Variants in SMAP2 observed in about 807,000 individuals in gnomAD.
SMAP2 encodes the protein small ArfGAP2, also known as stromal membrane-associated protein 2.
A neutral mutation model predicts 56.4 loss-of-function variants in SMAP2; 25 were observed. The observed-to-expected ratio is 0.44, with a 90% confidence interval of 0.32 to 0.62. SMAP2 has a LOEUF of 0.62. SMAP2 is among the 20% of genes least tolerant of loss of function. SMAP2 has a pLI of 0.04. For synonymous variants in SMAP2, 157 were observed against 181.7 expected, an observed-to-expected ratio of 0.86 and a Z score of 1.09; for missense variants, 388 against 545.6, an observed-to-expected ratio of 0.71 and a Z score of 2.88.
intron 1 of SMAP2, among the ~76,000 whole-genome samples, chr1:40,387,147 C>G (rs1408621023): frequency 1.3e-5 from 2 of 152,178 alleles, no homozygotes; most frequent in African/African-American, 4.8e-5. Flanking sequence ...ACCACCATGC[C>G]CGGCCTTATT....
rs368572879 is a variant in SMAP2 at position 40,409,853 on chromosome 1, C to T, written c.402+18C>T. On this transcript the variant is annotated intron_variant, in intron 4 of 9. Transcript: ENST00000372718. ...CCTTTAGGGTTGGTTATACATCTTT[C>T]AAGTTTTGTCCACAATAAGTAATGT... 2.6e-6 allele frequency: 4 copies of T among 1,521,832 alleles called. No individual in the cohort carries two copies. The highest frequency in any genetic ancestry group is 2.3e-5 in the East Asian group (1 of 44,430). 94.3% of individuals were successfully genotyped at this position (1,521,832 alleles called of 1,614,324 possible). A position where few individuals can be genotyped will look rare whatever the true frequency, so the allele number is the denominator to read the frequency against.
chr1:40,357,008 G>A (rs1362393313), intron 1 of SMAP2, among the ~76,000 whole-genome samples: 2 of 149,848 alleles, frequency 1.3e-5, no homozygotes, highest in Non-Finnish European at 2.9e-5. Flanking sequence ...TTTTAAATCA[G>A]ATTATTAGAT....
rs1204676672 is a variant in SMAP2, at chr1:40,409,834, G to A, written c.401G>A (p.Arg134Lys). 1.2e-6 allele frequency: 2 copies of A among 1,602,840 alleles called. No homozygotes were observed. The highest frequency in any genetic ancestry group is 3.3e-5 in the Admixed American group (2 of 59,986). Residue 134 changes from arginine (R) to lysine (K), a missense_variant and splice_region_variant, in exon 4 of 10, where the codon AGG (arginine) becomes AAG (lysine). Physicochemically the swap from Arg to Lys is conservative, Grantham distance 26 (BLOSUM62 2). Coordinates refer to ENST00000372718, the MANE Select transcript of SMAP2 (RefSeq NM_022733.3). ...CGAAGTCTGGACATCAATGCCTTTA[G>A]GGTTGGTTATACATCTTTCAAGTTT... is the stretch of plus-strand genomic sequence containing the variant. The part of the protein sequence containing the change: ...MDRSLDINAF[R>K]KEKDDKWKRG...
chr1:40,416,790 G>A lies in SMAP2; in HGVS notation c.858G>A (p.Met286Ile). The change falls in exon 9 of 10, where the codon ATG (methionine) becomes ATA (isoleucine). Residue 286 changes from methionine (M) to isoleucine (I), a missense_variant. Transcript: ENST00000372718. The part of the protein sequence containing the change: ...TPQMPTQAMF[M>I]APAQMAYPTA... The stretch of plus-strand genomic sequence containing the variant: ...GTGTTTTCTTGGCAGCAATGTTCAT[G>A]GCTCCCGCTCAGATGGCATATCCCA... 6.3e-7 allele frequency: 1 copy of A among 1,597,012 alleles called. No homozygotes were observed. The highest frequency in any genetic ancestry group is 8.6e-7 in the Non-Finnish European group (1 of 1,166,014).
intron 1 of SMAP2, among the ~76,000 whole-genome samples, chr1:40,347,240 G>GTGTGTTTT (rs58284805): frequency 3.4e-5 from 3 of 88,384 alleles, no homozygotes; most frequent in African/African-American, 1.2e-4. Context: ...GTGTGTGTGT[G>GTGTGTTTT]TTTTGTTTTT....
At chr1:40,382,072 T>C (rs1181796829) in intron 1 of SMAP2, among the ~76,000 whole-genome samples, 1 of 152,204 alleles carries the variant, frequency 6.6e-6, no homozygotes, top group East Asian at 1.9e-4. Flanking sequence ...TCTCTCAGTA[T>C]ATATACTTTT....
chr1:40,380,458 T>A (rs1001738528), intron 1 of SMAP2, among the ~76,000 whole-genome samples: 2 of 152,228 alleles, frequency 1.3e-5, no homozygotes, highest in Admixed American at 1.3e-4. Context: ...AGCCAAGTCA[T>A]TGCTTGTTAA....
At chr1:40,370,846 T>G (rs1340158000), upstream of SMAP2, among the ~76,000 whole-genome samples, 3 of 104,702 alleles carry the variant, frequency 2.9e-5, no homozygotes, top group African/African-American at 1.6e-4. Flanking sequence ...CCCTAAAACT[T>G]AAAGTATAAT....
intron 1 of SMAP2, chr1:40,396,938 T>A: frequency 1.3e-6 from 1 of 783,708 alleles, no homozygotes; most frequent in South Asian, 5.8e-5. Flanking sequence ...CTGCTTTTTT[T>A]ACTTTGACTT....
chr1:40,422,945 A>G lies in SMAP2; in HGVS notation c.*844A>G, dbSNP rs1460336373. 2 of 152,538 alleles carry G rather than the reference A, an allele frequency of 1.3e-5. No individual in the cohort carries two copies. The highest frequency in any genetic ancestry group is 4.8e-5 in the African/African-American group (2 of 41,260). The allele number at this position is 152,538 out of a possible 1,614,324, so 9.4% of individuals were successfully genotyped here. On this transcript the variant is annotated 3_prime_UTR_variant, in exon 10 of 10. Coordinates refer to ENST00000372718, the MANE Select transcript of SMAP2 (RefSeq NM_022733.3). ...GTGTTCCGCCTCCCACCCTCTCCCCATCTGCTCTGGGTATTTTTGTTTTTG... is the reference window on the plus strand; with the variant it reads ...GTGTTCCGCCTCCCACCCTCTCCCCGTCTGCTCTGGGTATTTTTGTTTTTG...
chr1:40,372,447 T>C (rs1644502265), upstream of SMAP2, among the ~76,000 whole-genome samples: 1 of 152,240 alleles, frequency 6.6e-6, no homozygotes, highest in African/African-American at 2.4e-5. Flanking sequence ...CAGTAACTAG[T>C]TAATCTTGAC....
chr1:40,403,809 C>A (rs577604555), intron 1 of SMAP2: 1 of 254,198 alleles, frequency 3.9e-6, no homozygotes, highest in South Asian at 1.5e-4. Flanking sequence ...AACCTAAGTC[C>A]TACAACTGGC....
intron 1 of SMAP2, among the ~76,000 whole-genome samples, chr1:40,404,141 A>T (rs148787658): frequency 6.6e-6 from 1 of 152,138 alleles, no homozygotes; most frequent in East Asian, 1.9e-4. Flanking sequence ...CCATTTCCCC[A>T]TGTTTTCAGC....
Position 40,422,316 on chromosome 1 carries a change from CGTCCTCCCCA to C in SMAP2, c.*222_*231del, listed in dbSNP as rs1203170096. 1 of 556,142 alleles carries C rather than the reference CGTCCTCCCCA, an allele frequency of 1.8e-6. No individual in the cohort carries two copies. Among genetic ancestry groups the C allele is most frequent in the Non-Finnish European group, 3.1e-6 (1 of 321,432 alleles). The allele number at this position is 556,142 out of a possible 1,614,324, so 34.5% of individuals were successfully genotyped here. ...TGTACATGCCCCATAGCCATCCCAA[CGTCCTCCCCA>C]GTCCTCTCCTGGCACCAGCACCTTA... On this transcript the variant is annotated 3_prime_UTR_variant, in exon 10 of 10. Transcript: ENST00000372718.
rs1644514985 is a variant in SMAP2, at chr1:40,373,780, C to T, written c.-341C>T. On this transcript the variant is annotated 5_prime_UTR_variant, in exon 1 of 10. Coordinates refer to ENST00000372718, the MANE Select transcript of SMAP2 (RefSeq NM_022733.3). ...GCCAGGGAAACCGAGGCGCGGGACG[C>T]AAGGCCAGCAGACAGGCCGGCCAGA... The T allele has an allele frequency of 5.0e-6, 1 of 199,420 alleles. No individual in the cohort carries two copies. The allele number at this position is 199,420 out of a possible 1,614,324, so 12.4% of individuals were successfully genotyped here. A position where few individuals can be genotyped will look rare whatever the true frequency, so the allele number is the denominator to read the frequency against.
intron 1 of SMAP2, among the ~76,000 whole-genome samples, chr1:40,347,313 A>G (rs1438178150): frequency 1.3e-5 from 2 of 148,464 alleles, no homozygotes; most frequent in East Asian, 1.9e-4. Context: ...CTGGTCTCGA[A>G]CTCTTGACCT....
chr1:40,419,793 A>C (rs1645025157), intron 9 of SMAP2, among the ~76,000 whole-genome samples: 1 of 152,250 alleles, frequency 6.6e-6, no homozygotes, highest in Non-Finnish European at 1.5e-5. Flanking sequence ...GAAAACCAAG[A>C]GACAGGCAAA....
At position 40,408,700 on chromosome 1, in the gene SMAP2, C is replaced by T; in HGVS notation, c.285C>T (p.Ala95=). The T allele has an allele frequency of 6.2e-7, 1 of 1,613,990 alleles. No individual in the cohort carries two copies. The highest frequency in any genetic ancestry group is 1.3e-5 in the African/African-American group (1 of 75,040). ...GAAAGGCAAACCGACTTTATGAAGC[C>T]TATCTTCCTGAGACCTTTCGGCGAC... ...GNGKANRLYE[A]YLPETFRRPQ... The change falls in exon 3 of 10, where the codon GCC becomes GCT. Residue 95 remains alanine (A), a synonymous_variant. Coordinates refer to ENST00000372718, the MANE Select transcript of SMAP2 (RefSeq NM_022733.3). This position sits in a 1 kb window ranked among gnomAD's most constrained non-coding sequence, Gnocchi z 4.3.
At chr1:40,393,562 T>G (rs1209087281) in intron 1 of SMAP2, 43 of 1,048,000 alleles carry the variant, frequency 4.1e-5, no homozygotes, top group Middle Eastern at 2.7e-4. Context: ...TTTTTTTTTT[T>G]TGTGACAGAG....
Sources: gnomAD v4.1 joint callset for allele counts (sites outside exome capture counted in the v4.1 genomes callset) on GRCh38, gnomAD v4.1.1 for gene constraint, Gnocchi (gnomAD v3.1) non-coding constraint, MANE v1.5 for transcripts, NCBI Gene and HGNC (gene_info 2026-07-23, HGNC 2026-07-21) for gene names.